Variants in EGFR observed in about 807,000 individuals in gnomAD.
EGFR encodes avian erythroblastic leukemia viral (v-erb-b) oncogene homolog.
EGFR carries 58 observed loss-of-function variants against 143.0 expected under a neutral mutation model. The ratio of observed to expected loss-of-function variants is 0.41; its 90% CI spans 0.33 to 0.50. The LOEUF (loss-of-function observed/expected upper bound fraction) is 0.50. Ranked by LOEUF, EGFR falls within the 20% of genes least tolerant of loss-of-function variation. The probability of loss-of-function intolerance (pLI) is 0.39; values close to 1 mark genes in which losing one functional copy is unlikely to be tolerated. For synonymous variants in EGFR, 613 were observed against 594.4 expected (o/e 1.03, Z -0.45); for missense variants, 1,307 against 1,579.0 (o/e 0.83, Z 2.92).
intron 1 of EGFR, among the ~76,000 whole-genome samples, chr7:55,048,597 G>A (rs1788310659): frequency 6.6e-6 from 1 of 152,194 alleles, no homozygotes; most frequent in South Asian, 2.1e-4. Flanking sequence ...GATTCAAACT[G>A]AGGTTGTGTC....
chr7:55,071,232 T>C (rs1583966492), intron 1 of EGFR, among the ~76,000 whole-genome samples: 1 of 152,214 alleles, frequency 6.6e-6, no homozygotes, highest in East Asian at 1.9e-4. Flanking sequence ...ATTCCATTAA[T>C]TGCGTGAGGT....
rs570333653 is a variant in EGFR, at chr7:55,119,668, C to T, written c.89-22618C>T. On this transcript the variant is annotated intron_variant, in intron 1 of 27. Coordinates refer to ENST00000275493, the MANE Select transcript of EGFR (RefSeq NM_005228.5). The stretch of plus-strand genomic sequence containing the variant: ...TGGGATTCCCCTCGCTCTGGCGTGG[C>T]CTGGCCCCTCTGCATTTGACAATAC... Among the ~76,000 whole-genome samples, 18 of 152,350 alleles carry T rather than the reference C, an allele frequency of 1.2e-4. 1 individual carries two copies. The highest frequency in any genetic ancestry group is 1.0e-3 in the Admixed American group (16 of 15,304).
chr7:55,055,327 A>G (rs1347640968), intron 1 of EGFR, among the ~76,000 whole-genome samples: 3 of 152,156 alleles, frequency 2.0e-5, no homozygotes, highest in Admixed American at 2.0e-4. Flanking sequence ...GGGGCCCTAC[A>G]GGTATTTTTT....
At chr7:55,181,237 C>G (rs41323247) in intron 19 of EGFR, 56 bp from the exon 20 acceptor site, 1,453 of 1,509,480 alleles carry the variant, frequency 9.6e-4, no homozygotes, top group Non-Finnish European at 1.2e-3. Flanking sequence ...GGTCCATGTG[C>G]CCCTCCTTCT....
In EGFR at chr7:55,058,892, A is replaced by G. The variant is rs761383199; in HGVS notation, c.88+39527A>G. Among the ~76,000 whole-genome samples the G allele has an allele frequency of 4.5e-4, 68 of 152,356 alleles. 1 individual carries two copies. Among genetic ancestry groups the G allele is most frequent in the East Asian group, 5.8e-4 (3 of 5,190 alleles). ...TTCTCAATTAAGAATTTAACTTGGT[A>G]AATGTTCATTTAATGATCTAAAAAT... On this transcript the variant is annotated intron_variant, in intron 1 of 27. Coordinates refer to ENST00000275493, the MANE Select transcript of EGFR (RefSeq NM_005228.5).
chr7:55,083,546 T>C (rs1790590031), intron 1 of EGFR, among the ~76,000 whole-genome samples: 1 of 152,242 alleles, frequency 6.6e-6, no homozygotes, highest in African/African-American at 2.4e-5. Context: ...CATGAAAGCC[T>C]GTCTGCAGTA....
intron 15 of EGFR, 134 bp from the exon 16 acceptor site, chr7:55,171,041 C>G: frequency 1.3e-6 from 2 of 1,519,430 alleles, no homozygotes; most frequent in South Asian, 2.5e-5. Flanking sequence ...AATCCAACAT[C>G]CAGACACATA....
chr7:55,157,320 T>C (rs561893862), intron 10 of EGFR, among the ~76,000 whole-genome samples: 8 of 152,354 alleles, frequency 5.3e-5, no homozygotes, highest in African/African-American at 1.9e-4. Flanking sequence ...TAAAGCTCCT[T>C]GTATGTGATA....
Position 55,028,007 on chromosome 7 carries a change from TATATATATATATATATATAC to T in EGFR, c.88+8644_88+8663del, listed in dbSNP as rs1426245067. 1.2e-3 allele frequency among the ~76,000 whole-genome samples: 138 copies of T among 115,260 alleles called. 1 individual carries two copies. Among genetic ancestry groups the T allele is most frequent in the African/African-American group, 5.2e-3 (120 of 23,200 alleles). 75.6% of individuals were successfully genotyped at this position (115,260 alleles called of 152,430 possible). On this transcript the variant is annotated intron_variant, in intron 1 of 27. Transcript: ENST00000275493. ...AAAAAAAAAAATATATATATATATA[TATATATATATATATATATAC>T]ACACACACACACATATGGAGGTAAA...
intron 1 of EGFR, among the ~76,000 whole-genome samples, chr7:55,035,544 A>G (rs1329790369): frequency 1.3e-5 from 2 of 151,700 alleles, no homozygotes; most frequent in Non-Finnish European, 2.9e-5. Flanking sequence ...CTAGCCACGC[A>G]TGGTGGCAGG....
At chr7:55,172,250 A>T (rs1471834930) in intron 16 of EGFR, among the ~76,000 whole-genome samples, 1 of 152,126 alleles carries the variant, frequency 6.6e-6, no homozygotes, top group Non-Finnish European at 1.5e-5. Flanking sequence ...CCCTATGGAT[A>T]TGCGCTCCAT....
intron 15 of EGFR, among the ~76,000 whole-genome samples, chr7:55,167,220 TG>T (rs1786081395): frequency 7.9e-6 from 1 of 126,812 alleles, no homozygotes; most frequent in Non-Finnish European, 1.6e-5. Flanking sequence ...ATGGTGTCGG[TG>T]GTGATGGTGG....
intron 1 of EGFR, among the ~76,000 whole-genome samples, chr7:55,126,163 C>G (rs1425168149): frequency 2.6e-5 from 4 of 152,184 alleles, no homozygotes; most frequent in African/African-American, 9.7e-5. Context: ...GGTTTCTGCA[C>G]TCTTAGATCA....
chr7:55,113,071 G>A (rs1319003840), intron 1 of EGFR, among the ~76,000 whole-genome samples: 7 of 152,200 alleles, frequency 4.6e-5, no homozygotes, highest in Non-Finnish European at 1.0e-4. Context: ...CCAGACGCTG[G>A]ATGACAGGCA....
chr7:55,147,813 AACAGTCC>A (rs1361722061), intron 4 of EGFR, among the ~76,000 whole-genome samples: 6 of 152,210 alleles, frequency 3.9e-5, no homozygotes, highest in Admixed American at 3.3e-4. Context: ...CCTGGCAGGC[AACAGTCC>A]ACTTGATGTC....
intron 1 of EGFR, among the ~76,000 whole-genome samples, chr7:55,109,048 G>T (rs1053645984): frequency 2.0e-5 from 3 of 152,182 alleles, no homozygotes; most frequent in Non-Finnish European, 4.4e-5. Flanking sequence ...GCTGGAGGGG[G>T]CTGCAAGGGA....
intron 20 of EGFR, among the ~76,000 whole-genome samples, chr7:55,183,090 G>A (rs1786967004): frequency 6.6e-6 from 1 of 152,104 alleles, no homozygotes; most frequent in Non-Finnish European, 1.5e-5. Context: ...TCTGGCTTCT[G>A]GTGGCTCCAG....
At chr7:55,028,797 C>CA (rs1192108050) in intron 1 of EGFR, among the ~76,000 whole-genome samples, 3 of 152,110 alleles carry the variant, frequency 2.0e-5, no homozygotes, top group Admixed American at 2.0e-4. Flanking sequence ...TTATAGGTAA[C>CA]AAAAACCCTG....
intron 1 of EGFR, among the ~76,000 whole-genome samples, chr7:55,117,082 C>T (rs369927936): frequency 9.2e-5 from 14 of 152,262 alleles, no homozygotes; most frequent in Middle Eastern, 3.4e-3. Flanking sequence ...CATTTTCCAG[C>T]GCAGTTATAG....
Sources: allele counts gnomAD v4.1 joint callset (sites outside exome capture counted in the v4.1 genomes callset), GRCh38; gene constraint gnomAD v4.1.1; transcripts MANE v1.5; gene names NCBI Gene and HGNC (gene_info 2026-07-23, HGNC 2026-07-21).